Variants in PLCL1 observed in about 807,000 individuals in gnomAD.
The protein encoded by PLCL1 is phospholipase C like 1 (inactive).
A neutral mutation model predicts 84.4 loss-of-function variants in PLCL1; 41 were observed. The ratio of observed to expected loss-of-function variants is 0.49; its 90% CI spans 0.38 to 0.63. The LOEUF (loss-of-function observed/expected upper bound fraction) is 0.63, where lower values mean the gene tolerates loss of function less well. Ranked by LOEUF, PLCL1 falls within the 30% of genes least tolerant of loss-of-function variation. The pLI, the probability that PLCL1 is intolerant of heterozygous loss-of-function variation, is 0.00. For synonymous variants in PLCL1, 490 were observed against 488.3 expected (o/e 1.00, Z -0.05); for missense variants, 1,206 against 1,367.8 (o/e 0.88, Z 1.87).
At chr2:198,122,639 A>G (rs1574328303) in intron 5 of PLCL1, among the ~76,000 whole-genome samples, 1 of 152,178 alleles carries the variant, frequency 6.6e-6, no homozygotes, top group African/African-American at 2.4e-5. Flanking sequence ...GAATTATTGT[A>G]AAACAAATTG....
intron 1 of PLCL1, among the ~76,000 whole-genome samples, chr2:197,862,253 G>T (rs1281133039): frequency 6.6e-6 from 1 of 152,100 alleles, no homozygotes; most frequent in Non-Finnish European, 1.5e-5. Flanking sequence ...ATCATTTGGA[G>T]AATTAGTTTG....
chr2:198,075,567 G>C (rs930044254), intron 1 of PLCL1, among the ~76,000 whole-genome samples: 1 of 152,172 alleles, frequency 6.6e-6, no homozygotes, highest in Non-Finnish European at 1.5e-5. Flanking sequence ...AGAGGAGAAT[G>C]ACAAGATTAA....
At chr2:198,037,949 G>A (rs1691583743) in intron 1 of PLCL1, among the ~76,000 whole-genome samples, 1 of 152,120 alleles carries the variant, frequency 6.6e-6, no homozygotes. Flanking sequence ...TTAAGTTATT[G>A]ATGCATTTTC....
chr2:198,022,849 A>G (rs1691170388), intron 1 of PLCL1, among the ~76,000 whole-genome samples: 1 of 152,204 alleles, frequency 6.6e-6, no homozygotes, highest in Non-Finnish European at 1.5e-5. Context: ...ATTCAATGCT[A>G]TTTCTGTCAA....
At chr2:198,055,311 C>T (rs1459552709) in intron 1 of PLCL1, among the ~76,000 whole-genome samples, 1 of 107,782 alleles carries the variant, frequency 9.3e-6, no homozygotes, top group Non-Finnish European at 1.8e-5. Flanking sequence ...CTCTCTCTCT[C>T]TCTCTCTCTC....
chr2:198,080,643 C>T (rs1692688882), intron 1 of PLCL1, among the ~76,000 whole-genome samples: 1 of 152,186 alleles, frequency 6.6e-6, no homozygotes, highest in South Asian at 2.1e-4. Context: ...TATCAGACAA[C>T]TGAACCTTTT....
At chr2:198,047,425 G>A (rs546807567) in intron 1 of PLCL1, among the ~76,000 whole-genome samples, 102 of 152,070 alleles carry the variant, frequency 6.7e-4, no homozygotes, top group Non-Finnish European at 1.3e-3. Context: ...CTTGTGACCC[G>A]CCCACCTTGG....
At chr2:197,982,852 C>G (rs1207073716) in intron 1 of PLCL1, among the ~76,000 whole-genome samples, 2 of 152,174 alleles carry the variant, frequency 1.3e-5, no homozygotes, top group African/African-American at 2.4e-5. Flanking sequence ...AAAAACAGAA[C>G]AGCCTCAACA....
At chr2:198,050,694 C>T (rs1186751282) in intron 1 of PLCL1, among the ~76,000 whole-genome samples, 1 of 152,148 alleles carries the variant, frequency 6.6e-6, no homozygotes. Context: ...TATCAGTTGG[C>T]CAGTTTGACA....
In PLCL1 at chr2:198,101,303, T is replaced by C. The variant is rs573155528; in HGVS notation, c.2938T>C (p.Phe980Leu). The C allele has an allele frequency of 1.9e-6, 3 of 1,597,788 alleles. No homozygotes were observed. The highest frequency in any genetic ancestry group is 2.6e-6 in the Non-Finnish European group (3 of 1,166,542). Residue 980 changes from phenylalanine to leucine, a missense_variant, in exon 4 of 6, where the codon TTT becomes CTT. Coordinates refer to ENST00000428675, the MANE Select transcript of PLCL1 (RefSeq NM_006226.4). The part of the protein sequence containing the change: ...AYDLMIQESR[F>L]LIEMADTVQE... ...GTAACAGATGATTCAAGAGAGCCGGTTTCTCATAGAAATGGCGGACACAGT... is the reference window on the plus strand; with the variant it reads ...GTAACAGATGATTCAAGAGAGCCGGCTTCTCATAGAAATGGCGGACACAGT...
intron 5 of PLCL1, among the ~76,000 whole-genome samples, chr2:198,139,888 G>A (rs1171540487): frequency 6.6e-6 from 1 of 151,940 alleles, no homozygotes; most frequent in Non-Finnish European, 1.5e-5. Context: ...CTTTGAACAA[G>A]GTATAACAGG....
intron 3 of PLCL1, among the ~76,000 whole-genome samples, chr2:198,096,172 C>T (rs558358396): frequency 1.3e-5 from 2 of 152,226 alleles, no homozygotes; most frequent in Non-Finnish European, 2.9e-5. Flanking sequence ...AGGACTTACA[C>T]CTAAAAAGGG....
intron 5 of PLCL1, among the ~76,000 whole-genome samples, chr2:198,104,499 A>G (rs1693423452): frequency 6.6e-6 from 1 of 152,012 alleles, no homozygotes; most frequent in Non-Finnish European, 1.5e-5. Flanking sequence ...TGTGACAAAC[A>G]GACATGTCCA....
chr2:198,101,959 C>T lies in PLCL1; in HGVS notation c.2995+599C>T, dbSNP rs80237129. On this transcript the variant is annotated intron_variant, in intron 4 of 5. Transcript: ENST00000428675. ...AGGAAGATGACAATAGTAGCAACTG[C>T]TTGATACATTGCATATGCTATACCA... 8.4e-3 allele frequency among the ~76,000 whole-genome samples: 1,271 copies of T among 152,130 alleles called. 17 individuals are homozygous for T. The highest frequency in any genetic ancestry group is 0.03 in the African/African-American group (1,225 of 41,514).
intron 1 of PLCL1, among the ~76,000 whole-genome samples, chr2:198,037,111 G>A (rs189005903): frequency 9.9e-5 from 15 of 152,248 alleles, no homozygotes; most frequent in Middle Eastern, 3.4e-3. Context: ...ACATACTCTT[G>A]ATTGTCTTTA....
chr2:197,928,508 A>G (rs575267373), intron 1 of PLCL1, among the ~76,000 whole-genome samples: 9 of 152,316 alleles, frequency 5.9e-5, no homozygotes, highest in Non-Finnish European at 1.2e-4. Flanking sequence ...TGCTAACATT[A>G]TTACCACTGG....
intron 1 of PLCL1, among the ~76,000 whole-genome samples, chr2:197,876,865 A>T (rs1034565415): frequency 2.6e-5 from 4 of 152,208 alleles, no homozygotes; most frequent in Non-Finnish European, 5.9e-5. Flanking sequence ...ATTTTTAAAA[A>T]TAGGTTATGC....
intron 1 of PLCL1, among the ~76,000 whole-genome samples, chr2:197,978,390 T>G (rs908447233): frequency 1.3e-5 from 2 of 152,082 alleles, no homozygotes; most frequent in African/African-American, 4.8e-5. Context: ...GGCAGGAGAA[T>G]GGCGTGAACC....
At chr2:198,080,235 T>G (rs2105893066) in intron 1 of PLCL1, among the ~76,000 whole-genome samples, 1 of 152,336 alleles carries the variant, frequency 6.6e-6, no homozygotes, top group Middle Eastern at 3.4e-3. Context: ...ACATAAAATT[T>G]ACCATTTAAC....
Sources: gnomAD v4.1 joint callset for allele counts (sites outside exome capture counted in the v4.1 genomes callset) on GRCh38, gnomAD v4.1.1 for gene constraint, MANE v1.5 for transcripts, NCBI Gene and HGNC (gene_info 2026-07-23, HGNC 2026-07-21) for gene names.